PVT1: variants seen among roughly 807,000 people sequenced by gnomAD.
The protein encoded by PVT1 is Pvt1 oncogene.
chr8:128,017,684 G>A (rs900552911), intron 4 of PVT1, among the ~76,000 whole-genome samples: 4 of 151,566 alleles, frequency 2.6e-5, no homozygotes, highest in Non-Finnish European at 5.9e-5. Context: ...TTATCCTCCT[G>A]CCTCGGCCTC....
intron 4 of PVT1, among the ~76,000 whole-genome samples, chr8:128,023,302 A>G (rs919794541): frequency 1.3e-5 from 2 of 152,146 alleles, no homozygotes; most frequent in East Asian, 1.9e-4. Context: ...CAGGTGCTCT[A>G]ATGGTCCCAG....
At chr8:128,053,240 T>A (rs1813719684) in intron 4 of PVT1, among the ~76,000 whole-genome samples, 1 of 152,068 alleles carries the variant, frequency 6.6e-6, no homozygotes, top group Non-Finnish European at 1.5e-5. Context: ...TTTTGTTAGA[T>A]CAACATGGAA....
chr8:127,943,842 G>T (rs913886326), intron 3 of PVT1, among the ~76,000 whole-genome samples: 6 of 152,108 alleles, frequency 3.9e-5, no homozygotes, highest in Non-Finnish European at 5.9e-5. Flanking sequence ...TGAGTTGAGG[G>T]TTTAAAGTGA....
chr8:128,015,653 G>GCTC (rs1224809971), intron 4 of PVT1, among the ~76,000 whole-genome samples: 1 of 151,278 alleles, frequency 6.6e-6, no homozygotes, highest in African/African-American at 2.4e-5. Context: ...TGCGCCTGTA[G>GCTC]ATTCAGCTAT....
At chr8:128,078,558 G>T (rs1814123743) in intron 5 of PVT1, among the ~76,000 whole-genome samples, 1 of 152,208 alleles carries the variant, frequency 6.6e-6, no homozygotes, top group African/African-American at 2.4e-5. Flanking sequence ...AATGGAGGAG[G>T]TGGAGGTGGT....
chr8:127,993,879 T>G (rs1817073509), intron 4 of PVT1, among the ~76,000 whole-genome samples: 1 of 152,098 alleles, frequency 6.6e-6, no homozygotes, highest in Admixed American at 6.5e-5. Context: ...GCAGGGTGCC[T>G]AGAATAAAGG....
chr8:127,936,097 G>A (rs1563644070), intron 3 of PVT1, among the ~76,000 whole-genome samples: 1 of 145,780 alleles, frequency 6.9e-6, no homozygotes, highest in Non-Finnish European at 1.5e-5. Flanking sequence ...TTTTGCCCAG[G>A]CCAGAGTGCA....
chr8:128,061,392 A>G (rs559156447), intron 4 of PVT1, among the ~76,000 whole-genome samples: 46 of 152,202 alleles, frequency 3.0e-4, no homozygotes, highest in African/African-American at 1.0e-3. Flanking sequence ...TTATTTATTC[A>G]TTCATTAGTT....
At chr8:128,018,824 C>A (rs1411046499) in intron 4 of PVT1, among the ~76,000 whole-genome samples, 1 of 152,222 alleles carries the variant, frequency 6.6e-6, no homozygotes, top group Non-Finnish European at 1.5e-5. Context: ...TCCCTCCTCC[C>A]CCCACCACTT....
chr8:127,814,206 CCTT>C (rs1814634218), intron 2 of PVT1, among the ~76,000 whole-genome samples: 1 of 152,236 alleles, frequency 6.6e-6, no homozygotes, highest in Admixed American at 6.5e-5. Flanking sequence ...CCTCCATCCT[CCTT>C]CTCCAGCCCC....
At chr8:128,064,563 T>C (rs1813878394) in intron 4 of PVT1, among the ~76,000 whole-genome samples, 1 of 152,202 alleles carries the variant, frequency 6.6e-6, no homozygotes, top group African/African-American at 2.4e-5. Flanking sequence ...CAACAGATTT[T>C]CTAATTCAGT....
At chr8:127,856,349 A>G (rs1815159928) in intron 2 of PVT1, among the ~76,000 whole-genome samples, 1 of 148,366 alleles carries the variant, frequency 6.7e-6, no homozygotes, top group African/African-American at 2.5e-5. Flanking sequence ...ATACGTATAT[A>G]TTTTTTTTTC....
chr8:127,899,152 A>G (rs1486731868), intron 3 of PVT1, among the ~76,000 whole-genome samples: 1 of 152,212 alleles, frequency 6.6e-6, no homozygotes, highest in Non-Finnish European at 1.5e-5. Context: ...CATAATGAAA[A>G]TAGTTTTCCT....
intron 3 of PVT1, among the ~76,000 whole-genome samples, chr8:127,971,071 A>G (rs1300303134): frequency 6.6e-6 from 1 of 152,272 alleles, no homozygotes. Context: ...GTGGCCTGCA[A>G]AAAGCCTAAA....
intron 2 of PVT1, among the ~76,000 whole-genome samples, chr8:127,828,838 T>G (rs1563615965): frequency 1.3e-5 from 2 of 152,154 alleles, no homozygotes; most frequent in African/African-American, 4.8e-5. Flanking sequence ...TAAAAATAAT[T>G]ACATGCCAGA....
At chr8:127,987,761 G>A (rs561197450) in intron 3 of PVT1, among the ~76,000 whole-genome samples, 116 of 152,350 alleles carry the variant, frequency 7.6e-4, no homozygotes, top group African/African-American at 2.2e-3. Context: ...AAGAGGCTGT[G>A]CCTCTGCCCT....
intron 2 of PVT1, among the ~76,000 whole-genome samples, chr8:127,816,508 G>A (rs370152560): frequency 2.7e-5 from 4 of 150,368 alleles, no homozygotes; most frequent in East Asian, 1.9e-4. Context: ...AAACCCATGC[G>A]TATTCTTTTT....
chr8:128,041,082 A>T (rs1813526930), intron 4 of PVT1, among the ~76,000 whole-genome samples: 1 of 127,804 alleles, frequency 7.8e-6, no homozygotes. Context: ...GTATTTGTGC[A>T]TATGTTTGTG....
At chr8:128,072,059 T>C (rs1814005057) in intron 5 of PVT1, among the ~76,000 whole-genome samples, 2 of 152,218 alleles carry the variant, frequency 1.3e-5, no homozygotes, top group Non-Finnish European at 2.9e-5. Flanking sequence ...TGTTGCCATT[T>C]TTTAAAATGA....
Sources: gnomAD v4.1 joint callset for allele counts (sites outside exome capture counted in the v4.1 genomes callset) on GRCh38, gnomAD v4.1.1 for gene constraint, MANE v1.5 for transcripts, NCBI Gene and HGNC (gene_info 2026-07-23, HGNC 2026-07-21) for gene names.